Variants in KMT2E observed in about 807,000 individuals in gnomAD.
The protein encoded by KMT2E is lysine methyltransferase 2E (inactive).
In KMT2E, 30 loss-of-function variants were observed where a neutral mutation model predicts 184.6. That is an observed-to-expected ratio of 0.16 (90% confidence interval 0.12 to 0.22). KMT2E has a LOEUF of 0.22. KMT2E is among the 10% of genes least tolerant of loss of function. The probability of loss-of-function intolerance (pLI) is 1.00; values close to 1 mark genes in which losing one functional copy is unlikely to be tolerated. For synonymous variants in KMT2E, 815 were observed against 776.5 expected, an observed-to-expected ratio of 1.05 and a Z score of -0.82; for missense variants, 2,023 against 2,237.4, an observed-to-expected ratio of 0.90 and a Z score of 1.93.
At chr7:105,101,702 C>A in intron 16 of KMT2E, 113 bp downstream of exon 16, 1 of 1,006,644 alleles carries the variant, frequency 9.9e-7, no homozygotes, top group Non-Finnish European at 1.4e-6. Flanking sequence ...TTTTTAATAG[C>A]ATTTTTCAGA....
intron 6 of KMT2E, 71 bp from the exon 7 acceptor site, chr7:105,073,548 A>G: frequency 1.1e-6 from 1 of 939,814 alleles, no homozygotes. Flanking sequence ...AATAAATTAA[A>G]AAGTTTATCA....
At chr7:105,059,978 G>GCTTTTTTTTTTTTTTTT (rs1796733911) in intron 3 of KMT2E, among the ~76,000 whole-genome samples, 1 of 51,764 alleles carries the variant, frequency 1.9e-5, no homozygotes, top group Admixed American at 3.2e-4. Flanking sequence ...TCTTGTTGTT[G>GCTTTTTTTTTTTTTTTT]TTTTTTTTTT....
chr7:105,059,496 CATGT>C (rs1432871403), intron 3 of KMT2E, among the ~76,000 whole-genome samples: 3 of 152,060 alleles, frequency 2.0e-5, no homozygotes, highest in African/African-American at 7.2e-5. Context: ...TACAGGAACT[CATGT>C]TATAGAAATA....
intron 12 of KMT2E, among the ~76,000 whole-genome samples, chr7:105,079,541 T>TTTTA (rs1797672325): frequency 9.1e-6 from 1 of 109,296 alleles, no homozygotes; most frequent in African/African-American, 3.4e-5. Flanking sequence ...TTTTTTTTTT[T>TTTTA]GAGGCAGTGT....
rs1219699240 is a variant in KMT2E, at chr7:105,112,426, A to G, written c.4670A>G (p.Tyr1557Cys). Reference sequence around the variant, plus strand: ...CCTCCACCTCCTTCTTCGTCTTACTATCAAAACCAGCAGCCCTCTGCAAAC... The same window carrying G: ...CCTCCACCTCCTTCTTCGTCTTACTGTCAAAACCAGCAGCCCTCTGCAAAC... ...PPPPPPSSSY[Y>C]QNQQPSANFQ... The change falls in exon 27 of 27, where the codon TAT becomes TGT. Residue 1557 changes from tyrosine (Y) to cysteine (C), a missense_variant. Tyr to Cys is a radical substitution (Grantham distance 194). This residue lies in a region of KMT2E where 1,108 missense variants were observed against 1,050.9 expected (regional missense o/e 1.05). Transcript: ENST00000311117. 2 of 1,612,838 alleles carry G rather than the reference A, an allele frequency of 1.2e-6. No homozygotes were observed. Among genetic ancestry groups the G allele is most frequent in the African/African-American group, 1.3e-5 (1 of 74,768 alleles).
In KMT2E at chr7:105,101,916, C is replaced by T; in HGVS notation, c.1918C>T (p.Pro640Ser). ...AGCAAAAGAAGAAAATGCTAGCAAG[C>T]CAACCCCTGCCAAAGTAAATAGAAC... Reference protein sequence around the residue: ...EQAKEENASKPTPAKVNRTKQ... With the variant: ...EQAKEENASKSTPAKVNRTKQ... The change falls in exon 17 of 27, where the codon CCA becomes TCA. Residue 640 changes from proline (P) to serine (S), a missense_variant. Physicochemically the swap from Pro to Ser is moderately conservative, Grantham distance 74. Coordinates refer to ENST00000311117, the MANE Select transcript of KMT2E (RefSeq NM_182931.3). 6.2e-7 allele frequency: 1 copy of T among 1,610,954 alleles called. No homozygotes were observed. Among genetic ancestry groups the T allele is most frequent in the South Asian group, 1.1e-5 (1 of 90,024 alleles).
chr7:105,073,715 TG>T, intron 7 of KMT2E, 38 bp downstream of exon 7: 1 of 1,246,294 alleles, frequency 8.0e-7, no homozygotes, highest in South Asian at 1.3e-5. Flanking sequence ...AAAATTCGTG[TG>T]ATTGAGAGAA....
Position 105,110,286 on chromosome 7 carries a change from C to T in KMT2E, c.3762C>T (p.Ala1254=). The change falls in exon 24 of 27, where the codon GCC becomes GCT. Residue 1254 remains alanine, a synonymous_variant. Transcript: ENST00000311117. ...EKNEPEVQWT[A]STSVEQVRER... Reference sequence around the variant, plus strand: ...TGTGATTTTTCTTTGAAAGGACTGCCTCAACTTCAGTGGAACAAGTCAGAG... The same window carrying T: ...TGTGATTTTTCTTTGAAAGGACTGCTTCAACTTCAGTGGAACAAGTCAGAG... 6.2e-7 allele frequency: 1 copy of T among 1,613,874 alleles called. No individual in the cohort carries two copies.
At position 105,112,397 on chromosome 7, in the gene KMT2E, A is replaced by G; in HGVS notation, c.4641A>G (p.Pro1547=). Residue 1547 remains proline (P), a synonymous_variant, in exon 27 of 27, where the codon CCA becomes CCG. Transcript: ENST00000311117. Reference sequence around the variant, plus strand: ...TGAACAGCACGGCACCACCCCCTCCACCTCCTCCACCTCCTTCTTCGTCTT... The same window carrying G: ...TGAACAGCACGGCACCACCCCCTCCGCCTCCTCCACCTCCTTCTTCGTCTT... ...QSLNSTAPPP[P]PPPPPSSSYY... The G allele has an allele frequency of 6.2e-7, 1 of 1,610,748 alleles. No individual in the cohort carries two copies. Among genetic ancestry groups the G allele is most frequent in the East Asian group, 2.2e-5 (1 of 44,694 alleles).
At chr7:105,091,162 T>A (rs1198463353) in intron 14 of KMT2E, 54 bp from the exon 15 acceptor site, 3 of 775,598 alleles carry the variant, frequency 3.9e-6, no homozygotes, top group South Asian at 3.2e-5. Flanking sequence ...TTAATGTCAC[T>A]AGTTGTATAG....
chr7:105,106,528 C>T lies in KMT2E; in HGVS notation c.2603C>T (p.Thr868Ile). 1 of 1,606,734 alleles carries T rather than the reference C, an allele frequency of 6.2e-7. No homozygotes were observed. The highest frequency in any genetic ancestry group is 8.5e-7 in the Non-Finnish European group (1 of 1,173,308). ...ATTATTATTTCACCAACAGATTTAACTACACCACTAAAAAAACGAAGATTT... is the reference window on the plus strand; with the variant it reads ...ATTATTATTTCACCAACAGATTTAATTACACCACTAAAAAAACGAAGATTT... ...LNDSCSLPDL[T>I]TPLKKRRFYQ... Residue 868 changes from threonine (T) to isoleucine (I), a missense_variant, in exon 20 of 27, where the codon ACT (threonine) becomes ATT (isoleucine). Thr to Ile is a moderately conservative substitution (Grantham distance 89). Transcript: ENST00000311117.
intron 1 of KMT2E, among the ~76,000 whole-genome samples, chr7:105,022,599 C>CT (rs745517488): frequency 1.5e-4 from 23 of 152,150 alleles, no homozygotes; most frequent in Middle Eastern, 3.4e-3. Context: ...TGGGGAAATA[C>CT]TTTGAGATTG....
At position 105,077,046 on chromosome 7, in the gene KMT2E, T is replaced by C. The variant is rs1797559251; in HGVS notation, c.852T>C (p.Tyr284=). ...ETKIKAWMDR[Y]EEANNNQYSE... ...AGATCAAAGCATGGATGGATCGATA[T>C]GAAGAAGCAAATAACAACCAGTACA... The change falls in exon 10 of 27, where the codon TAT becomes TAC. Residue 284 remains tyrosine, a synonymous_variant. Transcript: ENST00000311117. 4 of 1,614,008 alleles carry C rather than the reference T, an allele frequency of 2.5e-6. No homozygotes were observed. Among genetic ancestry groups the C allele is most frequent in the Admixed American group, 1.7e-5 (1 of 60,002 alleles).
chr7:105,068,001 T>G (rs1038434498), intron 6 of KMT2E, among the ~76,000 whole-genome samples: 1 of 152,174 alleles, frequency 6.6e-6, no homozygotes, highest in Non-Finnish European at 1.5e-5. Flanking sequence ...AAGCCATTAT[T>G]GTACATGGAA....
chr7:105,066,913 C>A, intron 6 of KMT2E, 106 bp downstream of exon 6: 1 of 828,380 alleles, frequency 1.2e-6, no homozygotes, highest in South Asian at 1.4e-5. Context: ...GAATCACAGC[C>A]GGGCATGGTG....
At chr7:105,048,644 G>C (rs1562890499) in intron 3 of KMT2E, among the ~76,000 whole-genome samples, 1 of 152,160 alleles carries the variant, frequency 6.6e-6, no homozygotes, top group Non-Finnish European at 1.5e-5. Context: ...ATTAAATTTA[G>C]AGCAAGGATC....
At chr7:105,062,999 TC>T (rs1796883630) in intron 4 of KMT2E, among the ~76,000 whole-genome samples, 2 of 134,566 alleles carry the variant, frequency 1.5e-5, no homozygotes, top group Admixed American at 1.5e-4. Flanking sequence ...TTTTTCTTTT[TC>T]TTTTTTTTTT....
At chr7:105,043,007 T>C (rs1254660177) in intron 3 of KMT2E, among the ~76,000 whole-genome samples, 2 of 152,198 alleles carry the variant, frequency 1.3e-5, no homozygotes, top group Non-Finnish European at 2.9e-5. Context: ...TCTAAGATGC[T>C]GGTATGAGCT....
intron 1 of KMT2E, among the ~76,000 whole-genome samples, chr7:105,034,860 G>T (rs554127385): frequency 1.6e-4 from 21 of 131,466 alleles, no homozygotes; most frequent in African/African-American, 5.4e-4. Context: ...TTTTTGGGGG[G>T]TGGGGGGGTG....
Sources: gnomAD v4.1 joint callset for allele counts (sites outside exome capture counted in the v4.1 genomes callset) on GRCh38, gnomAD v4.1.1 for gene constraint, gnomAD v4.1.1 regional missense constraint, MANE v1.5 for transcripts, NCBI Gene and HGNC (gene_info 2026-07-23, HGNC 2026-07-21) for gene names.